LGI2: variants seen among roughly 807,000 people sequenced by gnomAD.
LGI2 encodes the protein leucine rich repeat LGI family member 2, also known as leucine-rich repeat LGI family member 2.
In LGI2, 30 loss-of-function variants were observed where a neutral mutation model predicts 52.0. That is an observed-to-expected ratio of 0.58 (90% CI 0.43 to 0.78). The LOEUF is 0.78. Ranked by LOEUF, LGI2 falls within the 30% of genes least tolerant of loss-of-function variation. The pLI is 0.00. For missense variants in LGI2, 573 were observed against 692.5 expected (o/e 0.83, Z 1.94); for synonymous variants, 270 against 271.8 (o/e 0.99, Z 0.06).
chr4:25,018,283 A>C (rs1464674825), intron 5 of LGI2, 125 bp from the exon 6 acceptor site: 3 of 663,166 alleles, frequency 4.5e-6, no homozygotes, highest in African/African-American at 3.7e-5. Context: ...CTAAAAATGG[A>C]GTTTAAAAAC....
At chr4:25,023,210 A>G (rs6842357) in intron 4 of LGI2, among the ~76,000 whole-genome samples, 42,753 of 152,042 alleles carry the variant, frequency 0.28, 6,267 homozygotes, top group Middle Eastern at 0.41. Context: ...CCCTATTTTA[A>G]GGAGGAGGAA....
chr4:25,008,553 C>CAAA (rs33920247), intron 7 of LGI2, among the ~76,000 whole-genome samples: 24,127 of 85,322 alleles, frequency 0.28, 3,169 homozygotes, highest in Middle Eastern at 0.43. Context: ...GACTCTGTCT[C>CAAA]AAAAAAAAAA....
intron 7 of LGI2, among the ~76,000 whole-genome samples, chr4:25,005,057 G>A (rs532512504): frequency 5.4e-4 from 83 of 152,328 alleles, no homozygotes; most frequent in African/African-American, 2.0e-3. Context: ...AATACTATAT[G>A]ATTCCACTTA....
chr4:24,994,418 C>T (rs539986710), downstream of LGI2, among the ~76,000 whole-genome samples: 3 of 152,192 alleles, frequency 2.0e-5, no homozygotes, highest in Non-Finnish European at 4.4e-5. Context: ...CCTGATGTTT[C>T]CTTCCCTGTG....
chr4:24,997,794 T>C (rs1016854404), downstream of LGI2, among the ~76,000 whole-genome samples: 1 of 152,204 alleles, frequency 6.6e-6, no homozygotes, highest in African/African-American at 2.4e-5. Context: ...ACCAGTGGAA[T>C]AGAGACAAGG....
chr4:24,992,905 T>A, the LGI2 span, among the ~76,000 whole-genome samples: 5 of 152,132 alleles, frequency 3.3e-5, no homozygotes, highest in East Asian at 9.7e-4. Flanking sequence ...GCACTTACAA[T>A]GCTGAGGCTT....
At chr4:25,027,017 T>C in intron 2 of LGI2, 78 bp from the exon 3 acceptor site, 3 of 1,138,618 alleles carry the variant, frequency 2.6e-6, no homozygotes, top group Non-Finnish European at 1.3e-6. Flanking sequence ...TTTCCTTTGC[T>C]ACGTTTTGAT....
downstream of LGI2, among the ~76,000 whole-genome samples, chr4:24,994,540 G>A (rs539390131): frequency 4.6e-5 from 7 of 152,268 alleles, no homozygotes; most frequent in South Asian, 4.2e-4. Flanking sequence ...AACTGAACAC[G>A]CTAAAACCAA....
At chr4:24,998,216 T>C (rs1460001783), downstream of LGI2, among the ~76,000 whole-genome samples, 3 of 152,162 alleles carry the variant, frequency 2.0e-5, no homozygotes, top group Non-Finnish European at 4.4e-5. Context: ...TTGTTGACTA[T>C]AGCATCATGC....
At chr4:25,028,623 G>A in intron 1 of LGI2, 45 bp from the exon 2 acceptor site, 1 of 1,537,558 alleles carries the variant, frequency 6.5e-7, no homozygotes, top group Non-Finnish European at 8.9e-7. Flanking sequence ...TTTCTTTTAG[G>A]AAGTGCCATG....
At chr4:25,030,413 G>T in intron 1 of LGI2, 84 bp downstream of exon 1, 1 of 1,442,954 alleles carries the variant, frequency 6.9e-7, no homozygotes, top group Non-Finnish European at 9.4e-7. Context: ...GGGTCGCGCT[G>T]GCCCGGCGCC....
intron 6 of LGI2, among the ~76,000 whole-genome samples, chr4:25,014,646 T>C (rs532716958): frequency 9.9e-5 from 15 of 152,056 alleles, no homozygotes; most frequent in African/African-American, 3.4e-4. Context: ...CTAGCTAACA[T>C]AGCAAGACCT....
At chr4:24,994,240 C>G (rs1182235679), downstream of LGI2, among the ~76,000 whole-genome samples, 2 of 152,120 alleles carry the variant, frequency 1.3e-5, no homozygotes, top group Non-Finnish European at 2.9e-5. Context: ...TGTTTCATAC[C>G]AGAAAGATCT....
intron 6 of LGI2, among the ~76,000 whole-genome samples, chr4:25,017,399 G>A (rs1227316869): frequency 7.9e-5 from 12 of 151,690 alleles, no homozygotes; most frequent in African/African-American, 1.2e-4. Context: ...AAAATTAGCC[G>A]GGTGTGGTGG....
chr4:24,993,585 C>A, the LGI2 span, among the ~76,000 whole-genome samples: 19 of 152,188 alleles, frequency 1.2e-4, no homozygotes, highest in Non-Finnish European at 2.8e-4. Flanking sequence ...CCTTGCCTCC[C>A]ACCCCAACCC....
At chr4:25,026,785 G>C (rs1378953179) in intron 3 of LGI2, 83 bp downstream of exon 3, 8 of 1,056,768 alleles carry the variant, frequency 7.6e-6, no homozygotes, top group Non-Finnish European at 1.2e-5. Flanking sequence ...CCCTTGCAGA[G>C]ATGCTGTTCC....
chr4:25,028,950 G>A (rs188419728), intron 1 of LGI2, among the ~76,000 whole-genome samples: 1 of 152,318 alleles, frequency 6.6e-6, no homozygotes, highest in Admixed American at 6.5e-5. Context: ...ACAGCGTTGT[G>A]TTGGCCTATG....
Position 25,024,854 on chromosome 4 carries a change from T to G in LGI2, c.379A>C (p.Asn127His), listed in dbSNP as rs1726091677. The change falls in exon 4 of 8, where the codon AAT becomes CAT. Residue 127 changes from asparagine to histidine, a missense_variant. Asn to His is a moderately conservative substitution (Grantham distance 68). Coordinates refer to ENST00000382114, the MANE Select transcript of LGI2 (RefSeq NM_018176.4). ...EGNKIETISR[N>H]AFRGLRDLTH... Reference sequence around the variant, plus strand: ...AGGTCACGGAGGCCACGAAAGGCATTTCTTGAAATGGTTTCTATTTTGTTC... The same window carrying G: ...AGGTCACGGAGGCCACGAAAGGCATGTCTTGAAATGGTTTCTATTTTGTTC... 1 of 1,608,592 alleles carries G rather than the reference T, an allele frequency of 6.2e-7. No individual in the cohort carries two copies.
chr4:25,028,474 C>T, intron 2 of LGI2, 33 bp downstream of exon 2: 2 of 1,600,468 alleles, frequency 1.2e-6, no homozygotes, highest in Non-Finnish European at 1.7e-6. Context: ...CCTCAGGGCC[C>T]CCCATTGTGC....
Sources: allele counts gnomAD v4.1 joint callset (sites outside exome capture counted in the v4.1 genomes callset), GRCh38; gene constraint gnomAD v4.1.1; transcripts MANE v1.5; gene names NCBI Gene and HGNC (gene_info 2026-07-23, HGNC 2026-07-21).